Variants in UBXN2A observed in about 807,000 individuals in gnomAD.
UBXN2A encodes the protein UBX domain protein 2A.
In UBXN2A, 28 loss-of-function variants were observed where a neutral mutation model predicts 28.4. The ratio of observed to expected loss-of-function variants is 0.99; its 90% CI spans 0.73 to 1.35. The LOEUF (loss-of-function observed/expected upper bound fraction) is 1.35, where lower values mean the gene tolerates loss of function less well. Ranked by LOEUF, UBXN2A falls within the 40% of genes most tolerant of loss-of-function variation. The pLI is 0.00. For missense variants in UBXN2A, 253 were observed against 297.9 expected, an observed-to-expected ratio of 0.85 and a Z score of 1.11; for synonymous variants, 97 against 103.6, an observed-to-expected ratio of 0.94 and a Z score of 0.39.
In UBXN2A at chr2:24,002,289, C is replaced by G. The variant is rs1235001758; in HGVS notation, c.*2422C>G. ...GTGTGGTGGCACATGCCTGTAATCT[C>G]AGCTACTAGGGAGGCTGAGGGAGGA... On this transcript the variant is annotated 3_prime_UTR_variant, in exon 7 of 7. Coordinates refer to ENST00000309033, the MANE Select transcript of UBXN2A (RefSeq NM_181713.4). 6.6e-6 allele frequency: 1 copy of G among 152,030 alleles called. No individual in the cohort carries two copies. Among genetic ancestry groups the G allele is most frequent in the Non-Finnish European group, 1.5e-5 (1 of 68,128 alleles). The allele number at this position is 152,030 out of a possible 1,614,324, so 9.4% of individuals were successfully genotyped here. A position where few individuals can be genotyped will look rare whatever the true frequency, so the allele number is the denominator to read the frequency against.
chr2:23,985,895 AG>A (rs1708107542), intron 6 of UBXN2A, among the ~76,000 whole-genome samples: 1 of 152,150 alleles, frequency 6.6e-6, no homozygotes, highest in Non-Finnish European at 1.5e-5. Flanking sequence ...GCTACTTGGG[AG>A]GAGAATTGCT....
chr2:23,940,407 G>A (rs1281435069), upstream of UBXN2A: 1 of 134,574 alleles, frequency 7.4e-6, no homozygotes, highest in Non-Finnish European at 1.6e-5. Flanking sequence ...CGCCCTCGGC[G>A]CGCCCCCGCG....
At chr2:23,988,779 C>G (rs1037411368) in intron 6 of UBXN2A, among the ~76,000 whole-genome samples, 3 of 152,150 alleles carry the variant, frequency 2.0e-5, no homozygotes, top group Non-Finnish European at 4.4e-5. Flanking sequence ...TCTATACCTA[C>G]TCATAGTTTG....
intron 6 of UBXN2A, among the ~76,000 whole-genome samples, chr2:23,990,524 TGGGAGGCC>T (rs1405168698): frequency 9.8e-5 from 3 of 30,618 alleles, no homozygotes; most frequent in Non-Finnish European, 2.0e-4. Context: ...CCCAGCACTT[TGGGAGGCC>T]GGGGGGGCGG....
intron 2 of UBXN2A, among the ~76,000 whole-genome samples, chr2:23,967,679 A>G (rs1182155096): frequency 2.0e-5 from 3 of 152,312 alleles, no homozygotes; most frequent in Admixed American, 6.5e-5. Flanking sequence ...ACAATATGCT[A>G]TACTGCTATG....
In UBXN2A at chr2:24,003,350, C is replaced by T. The variant is rs1475423581; in HGVS notation, c.*3483C>T. The T allele has an allele frequency of 1.3e-5, 2 of 152,160 alleles. No homozygotes were observed. Among genetic ancestry groups the T allele is most frequent in the African/African-American group, 4.8e-5 (2 of 41,436 alleles). The allele number at this position is 152,160 out of a possible 1,614,324, so 9.4% of individuals were successfully genotyped here. A position where few individuals can be genotyped will look rare whatever the true frequency, so the allele number is the denominator to read the frequency against. ...GAGTCTGTTCCCTTTTGTCACTGAACCAATCATGACATAAACTTGTGCTTT... is the reference window on the plus strand; with the variant it reads ...GAGTCTGTTCCCTTTTGTCACTGAATCAATCATGACATAAACTTGTGCTTT... On this transcript the variant is annotated 3_prime_UTR_variant, in exon 7 of 7. Coordinates refer to ENST00000309033, the MANE Select transcript of UBXN2A (RefSeq NM_181713.4).
In UBXN2A at chr2:23,982,892, C is replaced by G. The variant is rs1459857917; in HGVS notation, c.288-4C>G. The G allele has an allele frequency of 2.5e-6, 4 of 1,578,970 alleles. No homozygotes were observed. In the African/African-American group the frequency reaches 4.1e-5, roughly 16 times the overall value. On this transcript the variant is annotated splice_region_variant and splice_polypyrimidine_tract_variant and intron_variant, in intron 4 of 6. Coordinates refer to ENST00000309033, the MANE Select transcript of UBXN2A (RefSeq NM_181713.4). ...TTTATCATTTTCTTTCTTTGTTTTCCAAGGGAATTACCTTCAGAATTACAG... is the reference window on the plus strand; with the variant it reads ...TTTATCATTTTCTTTCTTTGTTTTCGAAGGGAATTACCTTCAGAATTACAG...
At position 23,962,832 on chromosome 2, in the gene UBXN2A, A is replaced by G. The variant is rs185594389; in HGVS notation, c.41+4477A>G. On this transcript the variant is annotated intron_variant, in intron 2 of 6. Coordinates refer to ENST00000309033, the MANE Select transcript of UBXN2A (RefSeq NM_181713.4). Reference sequence around the variant, plus strand: ...TGTTGGTCAGGCAGGCTGGTCTCCAACTCCCGACCTCAGGTGATCCACCCG... The same window carrying G: ...TGTTGGTCAGGCAGGCTGGTCTCCAGCTCCCGACCTCAGGTGATCCACCCG... 2.6e-3 allele frequency among the ~76,000 whole-genome samples: 387 copies of G among 151,734 alleles called. 4 individuals carry two copies. The highest frequency in any genetic ancestry group is 9.4e-4 in the Non-Finnish European group (64 of 67,902).
Position 23,971,377 on chromosome 2 carries a change from G to A in UBXN2A, c.143G>A (p.Ser48Asn). ...CTTTTTGAGGAAGCTCAGAAGGTTAGTTCCAAATGTGTGTCTCCCGCTGAA... is the reference window on the plus strand; with the variant it reads ...CTTTTTGAGGAAGCTCAGAAGGTTAATTCCAAATGTGTGTCTCCCGCTGAA... ...DSLFEEAQKV[S>N]SKCVSPAEQK... The change falls in exon 3 of 7, where the codon AGT becomes AAT. Residue 48 changes from serine (S) to asparagine (N), a missense_variant. Ser to Asn is a conservative substitution (Grantham distance 46). Transcript: ENST00000309033. The A allele has an allele frequency of 6.4e-7, 1 of 1,570,986 alleles. No individual in the cohort carries two copies. Among genetic ancestry groups the A allele is most frequent in the Non-Finnish European group, 8.7e-7 (1 of 1,149,206 alleles).
upstream of UBXN2A, among the ~76,000 whole-genome samples, chr2:23,938,146 G>T (rs1175928600): frequency 1.3e-5 from 2 of 152,148 alleles, no homozygotes; most frequent in Non-Finnish European, 2.9e-5. Context: ...TATATAAAGT[G>T]AGTCATCGCA....
At chr2:23,964,543 A>G (rs1707085983) in intron 2 of UBXN2A, among the ~76,000 whole-genome samples, 1 of 152,230 alleles carries the variant, frequency 6.6e-6, no homozygotes, top group African/African-American at 2.4e-5. Flanking sequence ...ATTCTGCAGT[A>G]TGCAACAACA....
intron 2 of UBXN2A, among the ~76,000 whole-genome samples, chr2:23,966,488 T>A (rs1395131420): frequency 6.7e-6 from 1 of 148,550 alleles, no homozygotes; most frequent in Non-Finnish European, 1.5e-5. Context: ...AGTCTCGCTC[T>A]GTTGCCCAGG....
intron 4 of UBXN2A, among the ~76,000 whole-genome samples, chr2:23,979,407 A>G (rs561029635): frequency 3.3e-5 from 5 of 152,228 alleles, no homozygotes; most frequent in Admixed American, 2.0e-4. Context: ...TGCTGTTAAC[A>G]TTTTTGTTGA....
At chr2:23,988,237 A>G (rs548479396) in intron 6 of UBXN2A, among the ~76,000 whole-genome samples, 158 of 152,308 alleles carry the variant, frequency 1.0e-3, no homozygotes, top group African/African-American at 3.6e-3. Context: ...GTAAACAAGG[A>G]ACTTCTCCCA....
At chr2:23,979,057 A>G (rs967564115) in intron 4 of UBXN2A, among the ~76,000 whole-genome samples, 5 of 151,960 alleles carry the variant, frequency 3.3e-5, no homozygotes, top group African/African-American at 1.2e-4. Flanking sequence ...TAAGAACTCG[A>G]AAATCAGCCA....
At chr2:23,982,863 G>A (rs1173179995) in intron 4 of UBXN2A, 33 bp from the exon 5 acceptor site, 1 of 1,564,290 alleles carries the variant, frequency 6.4e-7, no homozygotes, top group Non-Finnish European at 8.6e-7. Flanking sequence ...AATACATTGG[G>A]AGCTTTATCA....
intron 4 of UBXN2A, among the ~76,000 whole-genome samples, chr2:23,982,361 C>T (rs1407454588): frequency 6.6e-6 from 1 of 150,640 alleles, no homozygotes; most frequent in Non-Finnish European, 1.5e-5. Flanking sequence ...AGCAAGACTC[C>T]GTCTCAAAAA....
intron 1 of UBXN2A, among the ~76,000 whole-genome samples, chr2:23,955,914 G>C (rs1706598949): frequency 6.6e-6 from 1 of 152,208 alleles, no homozygotes; most frequent in Non-Finnish European, 1.5e-5. Context: ...TCTCAGGCTG[G>C]AGTGCTGCGA....
intron 6 of UBXN2A, among the ~76,000 whole-genome samples, chr2:23,996,211 C>T (rs796608025): frequency 1.1e-4 from 16 of 151,406 alleles, no homozygotes; most frequent in African/African-American, 1.5e-4. Flanking sequence ...GGACTACAGG[C>T]GCGTGCCACC....
Sources: allele counts gnomAD v4.1 joint callset (sites outside exome capture counted in the v4.1 genomes callset), GRCh38; gene constraint gnomAD v4.1.1; transcripts MANE v1.5; gene names NCBI Gene and HGNC (gene_info 2026-07-23, HGNC 2026-07-21).